Variants in SHISA9 observed in about 807,000 individuals in gnomAD.
SHISA9 encodes the protein protein shisa-9.
Under a neutral mutation model 38.0 loss-of-function variants are expected in SHISA9, and 13 were observed. That is an observed-to-expected ratio of 0.34 (90% confidence interval 0.22 to 0.54). SHISA9 has a LOEUF of 0.54. Ranked by LOEUF, SHISA9 falls within the 20% of genes least tolerant of loss-of-function variation. The pLI, the probability that SHISA9 is intolerant of heterozygous loss-of-function variation, is 0.91. For synonymous variants in SHISA9, 275 were observed against 242.0 expected (o/e 1.14, Z -1.27); for missense variants, 538 against 575.8 (o/e 0.93, Z 0.67).
At chr16:13,139,819 C>G (rs1249689417) in intron 2 of SHISA9, among the ~76,000 whole-genome samples, 1 of 152,100 alleles carries the variant, frequency 6.6e-6, no homozygotes, top group African/African-American at 2.4e-5. Flanking sequence ...AGCAAGGCAG[C>G]TTTAAAACTG....
the SHISA9 span, among the ~76,000 whole-genome samples, chr16:13,451,257 C>T: frequency 6.6e-6 from 1 of 152,142 alleles, no homozygotes; most frequent in Non-Finnish European, 1.5e-5. Flanking sequence ...ATAACACACC[C>T]TTTATGGTCT....
chr16:12,966,009 G>A (rs183367089), intron 2 of SHISA9, among the ~76,000 whole-genome samples: 17 of 152,312 alleles, frequency 1.1e-4, no homozygotes, highest in African/African-American at 3.4e-4. Flanking sequence ...ATCTTGGACT[G>A]GATAATTCTC....
At chr16:13,446,143 C>T in the SHISA9 span, among the ~76,000 whole-genome samples, 1 of 151,978 alleles carries the variant, frequency 6.6e-6, no homozygotes, top group African/African-American at 2.4e-5. Flanking sequence ...GACGGAGTTT[C>T]CCCATGCTGG....
chr16:13,130,533 G>A (rs1336854422), intron 2 of SHISA9, among the ~76,000 whole-genome samples: 1 of 152,120 alleles, frequency 6.6e-6, no homozygotes, highest in Non-Finnish European at 1.5e-5. Flanking sequence ...TCACATATGT[G>A]ATTTTATCAG....
At chr16:13,545,803 G>A in the SHISA9 span, among the ~76,000 whole-genome samples, 123,715 of 151,992 alleles carry the variant, frequency 0.81, 50,563 homozygotes, top group East Asian at 0.99. Context: ...GTCCCGATCC[G>A]CTTCTACTAT....
At chr16:12,914,939 G>A (rs1013425730) in intron 1 of SHISA9, among the ~76,000 whole-genome samples, 15 of 152,292 alleles carry the variant, frequency 9.8e-5, no homozygotes, top group Admixed American at 1.3e-4. Flanking sequence ...TTTGAGAATC[G>A]CTGCTGTAGT....
the SHISA9 span, among the ~76,000 whole-genome samples, chr16:13,291,465 T>C: frequency 6.6e-6 from 1 of 152,176 alleles, no homozygotes; most frequent in Non-Finnish European, 1.5e-5. Context: ...AACAGCAAAA[T>C]AACCCACTAA....
At chr16:12,961,060 G>A (rs775461721) in intron 2 of SHISA9, among the ~76,000 whole-genome samples, 194 of 152,222 alleles carry the variant, frequency 1.3e-3, no homozygotes, top group Non-Finnish European at 2.6e-4. Flanking sequence ...TGGAATGAGG[G>A]AATTTGGTCA....
intron 4 of SHISA9, among the ~76,000 whole-genome samples, chr16:13,223,078 G>A (rs981661870): frequency 1.3e-5 from 2 of 152,100 alleles, no homozygotes; most frequent in African/African-American, 4.8e-5. Flanking sequence ...AGATCCATCT[G>A]CTGTCAAAGT....
intron 2 of SHISA9, among the ~76,000 whole-genome samples, chr16:13,198,971 T>C (rs189274224): frequency 6.6e-6 from 1 of 152,256 alleles, no homozygotes; most frequent in East Asian, 1.9e-4. Flanking sequence ...GGACTTGGGA[T>C]AAATAATCTA....
At chr16:13,106,554 C>G (rs2141962065) in intron 2 of SHISA9, among the ~76,000 whole-genome samples, 1 of 152,214 alleles carries the variant, frequency 6.6e-6, no homozygotes, top group Non-Finnish European at 1.5e-5. Context: ...GACATTCAAT[C>G]CTGTATATTT....
intron 2 of SHISA9, among the ~76,000 whole-genome samples, chr16:13,076,084 G>A (rs867006472): frequency 6.0e-5 from 9 of 149,272 alleles, no homozygotes; most frequent in African/African-American, 2.0e-4. Context: ...AGGCTGGAGT[G>A]CAGTGGCGCG....
chr16:13,554,698 G>T, the SHISA9 span, among the ~76,000 whole-genome samples: 1 of 152,090 alleles, frequency 6.6e-6, no homozygotes, highest in Non-Finnish European at 1.5e-5. Context: ...CACCATGTTG[G>T]TCAGGCTGGT....
At chr16:13,190,814 G>T (rs1035410874) in intron 2 of SHISA9, among the ~76,000 whole-genome samples, 1 of 151,964 alleles carries the variant, frequency 6.6e-6, no homozygotes, top group African/African-American at 2.4e-5. Context: ...ATCCTAAATG[G>T]TTCAAATTTT....
At chr16:13,108,666 G>C (rs75559924) in intron 2 of SHISA9, among the ~76,000 whole-genome samples, 2,279 of 152,208 alleles carry the variant, frequency 0.015, 50 homozygotes, top group African/African-American at 0.05. Flanking sequence ...TAATACTAGA[G>C]GGAAAAAAAT....
chr16:13,012,600 T>C (rs2141853896), intron 2 of SHISA9, among the ~76,000 whole-genome samples: 1 of 152,306 alleles, frequency 6.6e-6, no homozygotes, highest in South Asian at 2.1e-4. Flanking sequence ...CAAGCTACCT[T>C]CTACACATTG....
chr16:13,079,448 A>G (rs2073622428), intron 2 of SHISA9, among the ~76,000 whole-genome samples: 1 of 152,252 alleles, frequency 6.6e-6, no homozygotes. Context: ...AGAAGCACAG[A>G]GAAAAAGGTA....
chr16:13,137,829 C>G (rs1042688768), intron 2 of SHISA9, among the ~76,000 whole-genome samples: 4 of 152,088 alleles, frequency 2.6e-5, no homozygotes, highest in Non-Finnish European at 4.4e-5. Context: ...ATTCCTGGGC[C>G]CCAGTTCATT....
At chr16:12,942,348 C>T (rs1198203362) in intron 2 of SHISA9, among the ~76,000 whole-genome samples, 1 of 152,174 alleles carries the variant, frequency 6.6e-6, no homozygotes, top group East Asian at 1.9e-4. Context: ...GTTTGGGGAC[C>T]AGTTCCTGGA....
Sources: gnomAD v4.1 joint callset for allele counts (sites outside exome capture counted in the v4.1 genomes callset) on GRCh38, gnomAD v4.1.1 for gene constraint, MANE v1.5 for transcripts, NCBI Gene and HGNC (gene_info 2026-07-23, HGNC 2026-07-21) for gene names.